TEC: variants seen among roughly 807,000 people sequenced by gnomAD.
TEC encodes the protein tyrosine-protein kinase Tec.
TEC carries 72 observed loss-of-function variants against 93.0 expected under a neutral mutation model. The observed-to-expected ratio is 0.77, with a 90% CI of 0.64 to 0.94. The LOEUF (loss-of-function observed/expected upper bound fraction) is 0.94, where lower values mean the gene tolerates loss of function less well. TEC is among the 40% of genes least tolerant of loss of function. The pLI, the probability that TEC is intolerant of heterozygous loss-of-function variation, is 0.00. For synonymous variants in TEC, 249 were observed against 247.7 expected, an observed-to-expected ratio of 1.01 and a Z score of -0.05; for missense variants, 630 against 757.9, an observed-to-expected ratio of 0.83 and a Z score of 1.98.
At chr4:48,164,741 C>G (rs1292473349) in intron 7 of TEC, among the ~76,000 whole-genome samples, 1 of 152,126 alleles carries the variant, frequency 6.6e-6, no homozygotes, top group Non-Finnish European at 1.5e-5. Flanking sequence ...GTGGCTCACG[C>G]CTGTAATCCC....
intron 1 of TEC, among the ~76,000 whole-genome samples, chr4:48,260,317 C>G (rs1476723073): frequency 6.6e-6 from 1 of 152,190 alleles, no homozygotes; most frequent in Non-Finnish European, 1.5e-5. Context: ...GGTGTGGTGG[C>G]TCACACCTGT....
intron 2 of TEC, among the ~76,000 whole-genome samples, chr4:48,183,076 A>G (rs1721659610): frequency 6.6e-6 from 1 of 152,162 alleles, no homozygotes; most frequent in African/African-American, 2.4e-5. Context: ...CTCCTGGGTG[A>G]ATCATGTCTG....
chr4:48,167,765 A>T lies in TEC; in HGVS notation c.671+13T>A. On this transcript the variant is annotated intron_variant, in intron 7 of 17. Transcript: ENST00000381501. Reference sequence around the variant, plus strand: ...TACCCACTGCATATCACACACATAGAGGGAATACTTACCCATATTTATCTC... The same window carrying T: ...TACCCACTGCATATCACACACATAGTGGGAATACTTACCCATATTTATCTC... 1.9e-6 allele frequency: 3 copies of T among 1,612,922 alleles called. No individual in the cohort carries two copies. The highest frequency in any genetic ancestry group is 2.5e-6 in the Non-Finnish European group (3 of 1,179,142).
intron 2 of TEC, among the ~76,000 whole-genome samples, chr4:48,201,028 C>A (rs1235931650): frequency 6.6e-6 from 1 of 152,216 alleles, no homozygotes; most frequent in Non-Finnish European, 1.5e-5. Flanking sequence ...CTAACTGATA[C>A]AGAGGCTGCT....
At chr4:48,147,445 C>T (rs942997668) in intron 11 of TEC, among the ~76,000 whole-genome samples, 33 of 152,270 alleles carry the variant, frequency 2.2e-4, no homozygotes, top group African/African-American at 6.7e-4. Flanking sequence ...CAATTTCTAA[C>T]AATGTGTTCA....
intron 14 of TEC, among the ~76,000 whole-genome samples, chr4:48,142,403 G>A (rs964259146): frequency 5.3e-5 from 8 of 152,232 alleles, no homozygotes; most frequent in African/African-American, 1.9e-4. Flanking sequence ...AACCCATGAG[G>A]TGGAGGTTGC....
intron 11 of TEC, among the ~76,000 whole-genome samples, chr4:48,148,252 T>C (rs1720000941): frequency 6.6e-6 from 1 of 152,166 alleles, no homozygotes; most frequent in Admixed American, 6.5e-5. Flanking sequence ...AGTATGTAAA[T>C]TTTATCTAAA....
intron 1 of TEC, among the ~76,000 whole-genome samples, chr4:48,248,709 A>G (rs1010708033): frequency 2.0e-5 from 3 of 152,208 alleles, no homozygotes; most frequent in African/African-American, 7.2e-5. Context: ...TGAGATGCTC[A>G]TGGATATCCT....
intron 2 of TEC, among the ~76,000 whole-genome samples, chr4:48,221,359 G>A (rs150197663): frequency 0.03 from 4,534 of 152,256 alleles, 92 homozygotes; most frequent in Non-Finnish European, 0.039. Context: ...GTTCTCACAA[G>A]ATCTGATGGT....
At chr4:48,185,200 A>G (rs1189088147) in intron 2 of TEC, among the ~76,000 whole-genome samples, 3 of 152,264 alleles carry the variant, frequency 2.0e-5, no homozygotes, top group Non-Finnish European at 4.4e-5. Context: ...TGTTTAACAG[A>G]AAAGAAAATG....
At chr4:48,209,157 G>T (rs753727126) in intron 2 of TEC, among the ~76,000 whole-genome samples, 1 of 152,070 alleles carries the variant, frequency 6.6e-6, no homozygotes, top group Non-Finnish European at 1.5e-5. Flanking sequence ...CCATGCTTTT[G>T]AATGTTCTTG....
At chr4:48,197,797 T>C (rs2704425) in intron 2 of TEC, among the ~76,000 whole-genome samples, 79,910 of 152,044 alleles carry the variant, frequency 0.53, 21,602 homozygotes, top group African/African-American at 0.64. Flanking sequence ...TCACCCTTGA[T>C]AGTTCTAGTT....
At chr4:48,141,036 T>C (rs916353358) in intron 15 of TEC, among the ~76,000 whole-genome samples, 2 of 152,152 alleles carry the variant, frequency 1.3e-5, no homozygotes, top group African/African-American at 4.8e-5. Context: ...AGGTATTTTA[T>C]AATACTATTA....
In TEC at chr4:48,263,508, G is replaced by T. The variant is rs1724550854; in HGVS notation, c.-46+6244C>A. 2.0e-5 allele frequency among the ~76,000 whole-genome samples: 3 copies of T among 152,326 alleles called. No individual in the cohort carries two copies. The South Asian group carries it at 6.2e-4, about 32-fold the overall frequency. On this transcript the variant is annotated intron_variant, in intron 1 of 17. Transcript: ENST00000381501. ...GCAGGCAGATCACCTGAGGCCAGGAGTTCGAGGCCAGCCTGGCCAACATGG... is the reference window on the plus strand; with the variant it reads ...GCAGGCAGATCACCTGAGGCCAGGATTTCGAGGCCAGCCTGGCCAACATGG...
chr4:48,262,466 G>A (rs1327209760), intron 1 of TEC, among the ~76,000 whole-genome samples: 1 of 151,992 alleles, frequency 6.6e-6, no homozygotes, highest in Non-Finnish European at 1.5e-5. Context: ...CAAAGTGCTA[G>A]GATTACAGCC....
At chr4:48,244,867 G>A (rs1724012537) in intron 1 of TEC, among the ~76,000 whole-genome samples, 1 of 152,156 alleles carries the variant, frequency 6.6e-6, no homozygotes, top group African/African-American at 2.4e-5. Flanking sequence ...ATGAGAGCTA[G>A]GCACTCTAAG....
chr4:48,169,928 C>A (rs1020044164), intron 5 of TEC, among the ~76,000 whole-genome samples: 2 of 152,152 alleles, frequency 1.3e-5, no homozygotes, highest in African/African-American at 4.8e-5. Flanking sequence ...GTTTCTAGCT[C>A]CACATCTTGG....
chr4:48,141,770 C>T, intron 14 of TEC: 1 of 198,712 alleles, frequency 5.0e-6, no homozygotes, highest in Non-Finnish European at 1.0e-5. Context: ...GCAACCTCCA[C>T]CTTCCAGTTT....
intron 11 of TEC, among the ~76,000 whole-genome samples, chr4:48,147,624 G>A (rs1719972622): frequency 6.6e-6 from 1 of 152,140 alleles, no homozygotes; most frequent in African/African-American, 2.4e-5. Context: ...TAATACAACA[G>A]GTGGATGGTA....
Sources: allele counts gnomAD v4.1 joint callset (sites outside exome capture counted in the v4.1 genomes callset), GRCh38; gene constraint gnomAD v4.1.1; transcripts MANE v1.5; gene names NCBI Gene and HGNC (gene_info 2026-07-23, HGNC 2026-07-21).